LIMK2: variants seen among roughly 807,000 people sequenced by gnomAD.
The protein encoded by LIMK2 is LIM domain kinase 2.
Under a neutral mutation model 75.7 loss-of-function variants are expected in LIMK2, and 35 were observed. That is an observed-to-expected ratio of 0.46 (90% CI 0.35 to 0.61). The LOEUF is 0.61. Ranked by LOEUF, LIMK2 falls within the 20% of genes least tolerant of loss-of-function variation. The pLI is 0.00. For synonymous variants in LIMK2, 301 were observed against 319.2 expected, an observed-to-expected ratio of 0.94 and a Z score of 0.61; for missense variants, 623 against 831.0, an observed-to-expected ratio of 0.75 and a Z score of 3.08.
In LIMK2 at chr22:31,262,123, G is replaced by A. The variant is rs2048846339; in HGVS notation, c.552-11G>A. 6.2e-7 allele frequency: 1 copy of A among 1,611,030 alleles called. No homozygotes were observed. Among genetic ancestry groups the A allele is most frequent in the African/African-American group, 1.3e-5 (1 of 74,872 alleles). On this transcript the variant is annotated splice_polypyrimidine_tract_variant and intron_variant, in intron 5 of 15. Transcript: ENST00000331728. This position sits in a 1 kb window ranked among gnomAD's most constrained non-coding sequence, Gnocchi z 5.0. ...ACATCTTTACCCTGCCTCAACTCTT[G>A]TCTGGCCCAGGGTCAACCGGATGCA... is the stretch of plus-strand genomic sequence containing the variant.
rs1424195924 is a variant in LIMK2 at position 31,258,658 on chromosome 22, A to G, written c.252+232A>G. 2.9e-5 allele frequency: 15 copies of G among 514,960 alleles called. No homozygotes were observed. The East Asian group carries it at 4.5e-4, about 15-fold the overall frequency. 31.9% of individuals were successfully genotyped at this position (514,960 alleles called of 1,614,324 possible). A position where few individuals can be genotyped will look rare whatever the true frequency, so the allele number is the denominator to read the frequency against. On this transcript the variant is annotated intron_variant, in intron 3 of 15. Transcript: ENST00000331728. ...GTTGGGAGTGGGAGGAGAGGCAGGC[A>G]GAGAGGAGACACAATATAGTTGGAT...
chr22:31,258,292 T>C lies in LIMK2; in HGVS notation c.118T>C (p.Cys40Arg). 1 of 1,600,306 alleles carries C rather than the reference T, an allele frequency of 6.2e-7. No homozygotes were observed. ...TTCAGTTCTTGTCTTGCCTTTCAGG[T>C]GTTCAGAATGCCAGGATTCCCTCAC... ...NETWHGSCFR[C>R]SECQDSLTNW... Residue 40 changes from cysteine (C) to arginine (R), a missense_variant and splice_region_variant, in exon 3 of 16, where the codon TGT becomes CGT. This residue lies in a region of LIMK2 where 514 missense variants were observed against 661.3 expected (regional missense o/e 0.78). Transcript: ENST00000331728.
chr22:31,221,383 T>C (rs573743146), intron 1 of LIMK2, among the ~76,000 whole-genome samples: 154 of 151,948 alleles, frequency 1.0e-3, no homozygotes, highest in African/African-American at 3.5e-3. Context: ...AGAGCTCAGC[T>C]TGGAAATTAC....
chr22:31,214,876 C>A (rs1485990752), intron 1 of LIMK2, among the ~76,000 whole-genome samples: 1 of 152,004 alleles, frequency 6.6e-6, no homozygotes, highest in Non-Finnish European at 1.5e-5. Context: ...ACTCACTGTA[C>A]CCTCCACCTC....
At chr22:31,265,352 C>T (rs1335150688) in intron 7 of LIMK2, among the ~76,000 whole-genome samples, 1 of 151,766 alleles carries the variant, frequency 6.6e-6, no homozygotes, top group Non-Finnish European at 1.5e-5. Flanking sequence ...GGCGACAGAG[C>T]GAGACTCTGT....
At chr22:31,228,879 G>T (rs1379536960) in intron 2 of LIMK2, among the ~76,000 whole-genome samples, 1 of 152,142 alleles carries the variant, frequency 6.6e-6, no homozygotes, top group Non-Finnish European at 1.5e-5. Context: ...GGGATATCAA[G>T]GCTGTAGTGA....
chr22:31,274,564 C>T (rs893678531), intron 14 of LIMK2, among the ~76,000 whole-genome samples: 1 of 152,036 alleles, frequency 6.6e-6, no homozygotes, highest in Non-Finnish European at 1.5e-5. Flanking sequence ...CCACGCCTGG[C>T]TAATTTTTGT....
intron 1 of LIMK2, among the ~76,000 whole-genome samples, chr22:31,213,523 G>C (rs1161453497): frequency 1.3e-5 from 2 of 152,190 alleles, no homozygotes; most frequent in African/African-American, 2.4e-5. Context: ...CTACCAGTGG[G>C]TCACTTCCTC....
At chr22:31,246,179 G>GCACACACACACACACA (rs1341395963) in intron 2 of LIMK2, among the ~76,000 whole-genome samples, 959 of 69,710 alleles carry the variant, frequency 0.014, 9 homozygotes, top group South Asian at 0.019. Flanking sequence ...ACACACGCAC[G>GCACACACACACACACA]CACGCACACA....
At chr22:31,216,937 A>C (rs2048393558) in intron 1 of LIMK2, among the ~76,000 whole-genome samples, 1 of 152,192 alleles carries the variant, frequency 6.6e-6, no homozygotes, top group Admixed American at 6.5e-5. Context: ...TATAGTAGAA[A>C]GAATTAGACT....
At chr22:31,259,267 A>T (rs997407879) in intron 4 of LIMK2, 37 bp downstream of exon 4, 1 of 1,352,788 alleles carries the variant, frequency 7.4e-7, no homozygotes, top group Non-Finnish European at 1.1e-6. Flanking sequence ...TCTCCCATAT[A>T]AGAGTGGCTG....
At chr22:31,268,617 C>T (rs2048921179) in intron 11 of LIMK2, among the ~76,000 whole-genome samples, 1 of 152,034 alleles carries the variant, frequency 6.6e-6, no homozygotes, top group Non-Finnish European at 1.5e-5. Flanking sequence ...CAGAGAGGCA[C>T]CAGGATTGAA....
At chr22:31,238,349 G>T (rs935604085) in intron 2 of LIMK2, among the ~76,000 whole-genome samples, 5 of 152,098 alleles carry the variant, frequency 3.3e-5, no homozygotes, top group Admixed American at 6.6e-5. Context: ...TTAAGTCCAT[G>T]CTCACAGAGC....
chr22:31,220,621 T>C (rs1420774754), intron 1 of LIMK2, among the ~76,000 whole-genome samples: 1 of 152,102 alleles, frequency 6.6e-6, no homozygotes, highest in East Asian at 1.9e-4. Flanking sequence ...ATAGACAAAA[T>C]GAAACAAACA....
intron 1 of LIMK2, among the ~76,000 whole-genome samples, chr22:31,219,224 A>G (rs1406432108): frequency 1.3e-5 from 2 of 150,840 alleles, no homozygotes; most frequent in Non-Finnish European, 3.0e-5. Context: ...AGGCAAGTCT[A>G]TTTTCCTTCT....
chr22:31,272,298 C>T (rs548601056), intron 12 of LIMK2, among the ~76,000 whole-genome samples: 67 of 148,740 alleles, frequency 4.5e-4, no homozygotes, highest in Admixed American at 6.1e-4. Context: ...TGGTCTTGAA[C>T]TCCTGACCTC....
chr22:31,257,217 T>C (rs1246791271), intron 2 of LIMK2, among the ~76,000 whole-genome samples: 2 of 151,834 alleles, frequency 1.3e-5, no homozygotes, highest in Non-Finnish European at 2.9e-5. Flanking sequence ...ATGTACATCT[T>C]ACACAGTGCT....
chr22:31,276,047 C>T (rs2049010820), intron 15 of LIMK2, among the ~76,000 whole-genome samples: 1 of 152,102 alleles, frequency 6.6e-6, no homozygotes, highest in African/African-American at 2.4e-5. Context: ...ACCAGCCTGG[C>T]CAACATGGTG....
chr22:31,234,646 G>T (rs1306902139), intron 2 of LIMK2, among the ~76,000 whole-genome samples: 2 of 150,446 alleles, frequency 1.3e-5, no homozygotes, highest in African/African-American at 4.9e-5. Flanking sequence ...ACTTGAACCT[G>T]GGAGGCAGAG....
Sources: allele counts gnomAD v4.1 joint callset (sites outside exome capture counted in the v4.1 genomes callset), GRCh38; gene constraint gnomAD v4.1.1; regional missense constraint gnomAD v4.1.1; non-coding constraint Gnocchi (gnomAD v3.1); transcripts MANE v1.5; gene names NCBI Gene and HGNC (gene_info 2026-07-23, HGNC 2026-07-21).